ATP6V0D2: variants seen among roughly 807,000 people sequenced by gnomAD.
ATP6V0D2 encodes the protein ATPase H+ transporting V0 subunit d2, also known as V-type proton ATPase subunit d 2.
Under a neutral mutation model 40.0 loss-of-function variants are expected in ATP6V0D2, and 40 were observed. The ratio of observed to expected loss-of-function variants is 1.00; its 90% CI spans 0.78 to 1.30. The LOEUF (loss-of-function observed/expected upper bound fraction) is 1.30, where lower values mean the gene tolerates loss of function less well. Ranked by LOEUF, ATP6V0D2 falls within the 50% of genes most tolerant of loss-of-function variation. The pLI is 0.00. For synonymous variants in ATP6V0D2, 179 were observed against 156.3 expected (o/e 1.15, Z -1.08); for missense variants, 470 against 423.1 (o/e 1.11, Z -0.97).
chr8:86,142,553 G>C lies in ATP6V0D2; in HGVS notation c.562-324G>C, dbSNP rs16889524. Among the ~76,000 whole-genome samples, 1,293 of 152,264 alleles carry C rather than the reference G, an allele frequency of 8.5e-3. 28 individuals are homozygous for C. The highest frequency in any genetic ancestry group is 0.029 in the African/African-American group (1,201 of 41,540). Reference sequence around the variant, plus strand: ...AGGGCTAAATCTAAAATTATTCACTGATCTCAGAAAAGAACTTGGCACTCT... The same window carrying C: ...AGGGCTAAATCTAAAATTATTCACTCATCTCAGAAAAGAACTTGGCACTCT... On this transcript the variant is annotated intron_variant, in intron 4 of 7. Transcript: ENST00000285393.
chr8:86,105,327 T>C (rs575070164), intron 1 of ATP6V0D2, among the ~76,000 whole-genome samples: 1 of 152,162 alleles, frequency 6.6e-6, no homozygotes, highest in Non-Finnish European at 1.5e-5. Flanking sequence ...TAAGACGGTC[T>C]GGCTCTGACA....
chr8:86,125,413 C>G (rs1262461581), intron 2 of ATP6V0D2, among the ~76,000 whole-genome samples: 2 of 151,948 alleles, frequency 1.3e-5, no homozygotes, highest in Admixed American at 1.3e-4. Flanking sequence ...TATCCATTGT[C>G]CTAGTTTTAT....
chr8:86,145,107 G>A (rs569475092), intron 5 of ATP6V0D2, among the ~76,000 whole-genome samples: 20 of 151,076 alleles, frequency 1.3e-4, no homozygotes, highest in African/African-American at 4.9e-4. Flanking sequence ...GGTGGAGGTT[G>A]CAGTGAGCCG....
In ATP6V0D2 at chr8:86,143,045, A is replaced by AT. The variant is rs11317974; in HGVS notation, c.639+100dup. 381 of 805,856 alleles carry AT rather than the reference A, an allele frequency of 4.7e-4. 1 individual carries two copies. Among genetic ancestry groups the AT allele is most frequent in the African/African-American group, 3.1e-3 (173 of 56,686 alleles). The allele number at this position is 805,856 out of a possible 1,614,324, so 49.9% of individuals were successfully genotyped here. A position where few individuals can be genotyped will look rare whatever the true frequency, so the allele number is the denominator to read the frequency against. On this transcript the variant is annotated intron_variant, in intron 5 of 7. Coordinates refer to ENST00000285393, the MANE Select transcript of ATP6V0D2 (RefSeq NM_152565.1). ...CTTACTTATATTTCCTTATCTTTGAATTTTTTTTTAATCTAGAAGTAAGAC... is the reference window on the plus strand; with the variant it reads ...CTTACTTATATTTCCTTATCTTTGAATTTTTTTTTTAATCTAGAAGTAAGAC...
At chr8:86,146,249 C>G (rs1356551466) in intron 5 of ATP6V0D2, among the ~76,000 whole-genome samples, 1 of 152,032 alleles carries the variant, frequency 6.6e-6, no homozygotes, top group Non-Finnish European at 1.5e-5. Context: ...CTTTGTAATC[C>G]TTGGTAATGT....
intron 6 of ATP6V0D2, 120 bp downstream of exon 6, chr8:86,150,408 C>A: frequency 9.7e-7 from 1 of 1,032,452 alleles, no homozygotes; most frequent in Non-Finnish European, 1.4e-6. Flanking sequence ...TGTAAGGTAG[C>A]AATCAGTGTT....
rs1818356441 is a variant in ATP6V0D2 at position 86,098,966 on chromosome 8, A to G, written c.-13A>G. On this transcript the variant is annotated 5_prime_UTR_variant, in exon 1 of 8. Coordinates refer to ENST00000285393, the MANE Select transcript of ATP6V0D2 (RefSeq NM_152565.1). Reference sequence around the variant, plus strand: ...AGCTGTTTCACCCTACCTTGGCTTCAATCTCTTCCCCCATGCTCGAAGGTG... The same window carrying G: ...AGCTGTTTCACCCTACCTTGGCTTCGATCTCTTCCCCCATGCTCGAAGGTG... 6.2e-7 allele frequency: 1 copy of G among 1,612,508 alleles called. No individual in the cohort carries two copies. The highest frequency in any genetic ancestry group is 8.5e-7 in the Non-Finnish European group (1 of 1,179,356).
At chr8:86,108,152 T>C (rs993832477) in intron 1 of ATP6V0D2, among the ~76,000 whole-genome samples, 4 of 152,228 alleles carry the variant, frequency 2.6e-5, no homozygotes, top group Non-Finnish European at 4.4e-5. Flanking sequence ...TTGTTTCTTT[T>C]CTTTTTTGAG....
chr8:86,127,937 C>T (rs1419261052), intron 2 of ATP6V0D2, among the ~76,000 whole-genome samples: 1 of 152,128 alleles, frequency 6.6e-6, no homozygotes, highest in Non-Finnish European at 1.5e-5. Flanking sequence ...GCTTTCTGGG[C>T]CAGGCACAGT....
rs1563566234 is a variant in ATP6V0D2 at position 86,145,281 on chromosome 8, G to GAA, written c.639+2329_639+2330dup. Among the ~76,000 whole-genome samples the GAA allele has an allele frequency of 5.7e-5, 4 of 70,514 alleles. 1 individual carries two copies. The highest frequency in any genetic ancestry group is 1.2e-4 in the Non-Finnish European group (4 of 32,546). The allele number at this position is 70,514 out of a possible 152,430, so 46.3% of individuals were successfully genotyped here. On this transcript the variant is annotated intron_variant, in intron 5 of 7. Coordinates refer to ENST00000285393, the MANE Select transcript of ATP6V0D2 (RefSeq NM_152565.1). ...AGAAAGAAAGAAAGAAAGAAAGAAA[G>GAA]AAAGAAAGAAAGAAAGAAAGAAAGA...
intron 5 of ATP6V0D2, among the ~76,000 whole-genome samples, chr8:86,145,000 C>CCA (rs1554589809): frequency 7.3e-6 from 1 of 137,626 alleles, no homozygotes. Context: ...ACTAACAATA[C>CCA]AAAAAAAAAA....
At chr8:86,113,635 AT>A in intron 1 of ATP6V0D2, 73 bp from the exon 2 acceptor site, 1 of 1,304,966 alleles carries the variant, frequency 7.7e-7, no homozygotes, top group African/African-American at 1.5e-5. Context: ...ATTAGCATGA[AT>A]TCAACTAATG....
At chr8:86,123,486 T>G (rs941384382) in intron 2 of ATP6V0D2, among the ~76,000 whole-genome samples, 3 of 152,172 alleles carry the variant, frequency 2.0e-5, no homozygotes, top group African/African-American at 7.2e-5. Context: ...GGATGGAACT[T>G]AAAGCAGAGA....
At chr8:86,144,225 T>G (rs1158669575) in intron 5 of ATP6V0D2, among the ~76,000 whole-genome samples, 6 of 152,208 alleles carry the variant, frequency 3.9e-5, no homozygotes, top group African/African-American at 1.4e-4. Context: ...TCAGAAGGAT[T>G]TGTGGGGCAT....
intron 2 of ATP6V0D2, among the ~76,000 whole-genome samples, chr8:86,120,468 C>A (rs1452751211): frequency 6.6e-6 from 1 of 152,088 alleles, no homozygotes; most frequent in Non-Finnish European, 1.5e-5. Context: ...CCTGTAGTCC[C>A]AGTTTCTCAG....
At chr8:86,146,149 G>A (rs915318597) in intron 5 of ATP6V0D2, among the ~76,000 whole-genome samples, 5 of 152,162 alleles carry the variant, frequency 3.3e-5, no homozygotes, top group Non-Finnish European at 5.9e-5. Context: ...TAATTCATAA[G>A]CAAGATCATA....
intron 7 of ATP6V0D2, 46 bp from the exon 8 acceptor site, chr8:86,152,770 G>A (rs765487536): frequency 6.5e-7 from 1 of 1,543,596 alleles, no homozygotes; most frequent in East Asian, 2.3e-5. Context: ...ATTCCATAAT[G>A]TTCCAAATAA....
chr8:86,113,263 G>A (rs764741417), intron 1 of ATP6V0D2, among the ~76,000 whole-genome samples: 48 of 152,148 alleles, frequency 3.2e-4, no homozygotes, highest in South Asian at 1.7e-3. Context: ...CAGATCACTT[G>A]AGGTCAGGAG....
Position 86,151,552 on chromosome 8 carries a change from G to A in ATP6V0D2, c.891+12G>A, listed in dbSNP as rs761096347. 3 of 1,585,974 alleles carry A rather than the reference G, an allele frequency of 1.9e-6. No individual in the cohort carries two copies. The highest frequency in any genetic ancestry group is 2.6e-6 in the Non-Finnish European group (3 of 1,164,796). ...TTTACGAGCGTGAGGTATGATATAA[G>A]TGGAAATACTATTAGCTTATTTTTC... On this transcript the variant is annotated intron_variant, in intron 7 of 7. Transcript: ENST00000285393.
Sources: allele counts gnomAD v4.1 joint callset (sites outside exome capture counted in the v4.1 genomes callset), GRCh38; gene constraint gnomAD v4.1.1; transcripts MANE v1.5; gene names NCBI Gene and HGNC (gene_info 2026-07-23, HGNC 2026-07-21).